TAPBPL: variants seen among roughly 807,000 people sequenced by gnomAD.
TAPBPL encodes TAP binding protein like, also known as tapasin-related protein.
A neutral mutation model predicts 44.8 loss-of-function variants in TAPBPL; 32 were observed. The observed-to-expected ratio is 0.71, with a 90% CI of 0.54 to 0.96. The LOEUF (loss-of-function observed/expected upper bound fraction) is 0.96. Ranked by LOEUF, TAPBPL falls within the 40% of genes least tolerant of loss-of-function variation. The pLI is 0.00. For synonymous variants in TAPBPL, 230 were observed against 240.7 expected, an observed-to-expected ratio of 0.96 and a Z score of 0.41; for missense variants, 520 against 586.6, an observed-to-expected ratio of 0.89 and a Z score of 1.17.
downstream of TAPBPL, chr12:6,463,964 A>AC: frequency 2.3e-6 from 3 of 1,290,164 alleles, no homozygotes; most frequent in Non-Finnish European, 3.0e-6. This position sits in a 1 kb window ranked among gnomAD's most constrained non-coding sequence, Gnocchi z 4.0. Flanking sequence ...ACTTTGGTCC[A>AC]CCCCCAGGAC....
intron 4 of TAPBPL, 50 bp from the exon 5 acceptor site, chr12:6,458,594 GC>G (rs1949762677): frequency 6.3e-7 from 1 of 1,587,254 alleles, no homozygotes; most frequent in African/African-American, 1.3e-5. Flanking sequence ...AGGCTCCTCC[GC>G]TGTCCCCAGT....
intron 6 of TAPBPL, among the ~76,000 whole-genome samples, chr12:6,461,800 A>G (rs1045548): frequency 0.67 from 101,329 of 152,050 alleles, 34,095 homozygotes; most frequent in South Asian, 0.78. Context: ...AAATGTGCCT[A>G]ATCAATACGG....
downstream of TAPBPL, among the ~76,000 whole-genome samples, chr12:6,471,350 A>G (rs538196211): frequency 6.6e-6 from 1 of 152,306 alleles, no homozygotes; most frequent in Admixed American, 6.5e-5. This position sits in a 1 kb window ranked among gnomAD's most constrained non-coding sequence, Gnocchi z 4.0. Context: ...TGCCCAGACC[A>G]GAAACGTGGA....
At chr12:6,455,700 CAGG>C (rs1286030467) in intron 3 of TAPBPL, among the ~76,000 whole-genome samples, 1 of 151,780 alleles carries the variant, frequency 6.6e-6, no homozygotes, top group Non-Finnish European at 1.5e-5. Context: ...GAGACTGAGG[CAGG>C]AGGATTGCTT....
chr12:6,470,390 C>A, downstream of TAPBPL: 1 of 1,308,196 alleles, frequency 7.6e-7, no homozygotes. Context: ...GGGGGTGGCC[C>A]GGTCCGGAAG....
chr12:6,469,336 G>T (rs1945710221), downstream of TAPBPL, among the ~76,000 whole-genome samples: 1 of 152,176 alleles, frequency 6.6e-6, no homozygotes, highest in Admixed American at 6.5e-5. Context: ...CAGAGACCTC[G>T]TGATGCCCCG....
At chr12:6,460,284 G>A (rs529709172) in intron 5 of TAPBPL, among the ~76,000 whole-genome samples, 114 of 151,890 alleles carry the variant, frequency 7.5e-4, no homozygotes, top group African/African-American at 2.6e-3. Flanking sequence ...GTTTTGTTTT[G>A]AGATAGGGTC....
Position 6,452,473 on chromosome 12 carries a change from C to G in TAPBPL, c.64+161C>G, listed in dbSNP as rs116160665. 2.2e-4 allele frequency: 305 copies of G among 1,416,578 alleles called. No individual in the cohort carries two copies. In the African/African-American group the frequency reaches 3.9e-3, roughly 18 times the overall value. The allele number at this position is 1,416,578 out of a possible 1,614,324, so 87.8% of individuals were successfully genotyped here. A position where few individuals can be genotyped will look rare whatever the true frequency, so the allele number is the denominator to read the frequency against. ...CTCAGCGGCTGGCAAAGGAAGGAAC[C>G]AATAGTGTGTGTGGAGGGAGGGTGG... is the stretch of plus-strand genomic sequence containing the variant. On this transcript the variant is annotated intron_variant, in intron 1 of 6. Transcript: ENST00000266556.
At chr12:6,462,885 A>G, downstream of TAPBPL, 4 of 1,593,862 alleles carry the variant, frequency 2.5e-6, no homozygotes, top group Non-Finnish European at 3.4e-6. Flanking sequence ...GGGCGAAAGG[A>G]AAGGAAGGAT....
intron 3 of TAPBPL, 127 bp from the exon 4 acceptor site, chr12:6,457,279 A>G (rs752237836): frequency 9.3e-6 from 8 of 858,320 alleles, no homozygotes; most frequent in Admixed American, 5.6e-5. Flanking sequence ...GTGATGGAAA[A>G]TAAGCTCAAC....
chr12:6,458,367 C>T (rs1378682313), intron 4 of TAPBPL, among the ~76,000 whole-genome samples: 1 of 148,448 alleles, frequency 6.7e-6, no homozygotes, highest in Non-Finnish European at 1.5e-5. Context: ...CAGAGCAAGA[C>T]ACCATCTTAA....
intron 1 of TAPBPL, 109 bp from the exon 2 acceptor site, chr12:6,452,958 A>C (rs1350685609): frequency 1.7e-6 from 2 of 1,161,528 alleles, no homozygotes; most frequent in Non-Finnish European, 2.4e-6. Context: ...AGGATCTTGG[A>C]TGGCAACTTT....
chr12:6,452,634 T>C lies in TAPBPL; in HGVS notation c.64+322T>C, dbSNP rs538929806. 1.9e-5 allele frequency: 25 copies of C among 1,290,306 alleles called. No homozygotes were observed. The South Asian group carries it at 4.2e-4, about 22-fold the overall frequency. 79.9% of individuals were successfully genotyped at this position (1,290,306 alleles called of 1,614,324 possible). On this transcript the variant is annotated intron_variant, in intron 1 of 6. Transcript: ENST00000266556. ...GGACTCCCCAGGTGAGGAAATCACTTGGAAGGTGACCTTGAAGGCGGGGGA... is the reference window on the plus strand; with the variant it reads ...GGACTCCCCAGGTGAGGAAATCACTCGGAAGGTGACCTTGAAGGCGGGGGA...
In TAPBPL at chr12:6,461,147, C is replaced by G. The variant is rs952452852; in HGVS notation, c.1291+209C>G. The G allele has an allele frequency of 5.0e-6, 7 of 1,390,558 alleles. No homozygotes were observed. In the African/African-American group the frequency reaches 1.0e-4, roughly 20 times the overall value. The allele number at this position is 1,390,558 out of a possible 1,614,324, so 86.1% of individuals were successfully genotyped here. A position where few individuals can be genotyped will look rare whatever the true frequency, so the allele number is the denominator to read the frequency against. On this transcript the variant is annotated intron_variant, in intron 6 of 6. Transcript: ENST00000266556. ...AGCTACCTCACTAAAGTCTGTCACT[C>G]TCCTGCCTCAGAGTAGAAAGAAAGA...
At chr12:6,469,029 G>C (rs1001716393), downstream of TAPBPL, among the ~76,000 whole-genome samples, 2 of 152,168 alleles carry the variant, frequency 1.3e-5, no homozygotes, top group Admixed American at 6.5e-5. Flanking sequence ...CATTCTCCTT[G>C]ATTAAGTGAA....
At chr12:6,455,136 G>T (rs994847990) in intron 3 of TAPBPL, among the ~76,000 whole-genome samples, 1 of 152,024 alleles carries the variant, frequency 6.6e-6, no homozygotes, top group Non-Finnish European at 1.5e-5. Flanking sequence ...AGATCCACCA[G>T]TTGTTAACAA....
chr12:6,463,831 G>A (rs1949938769), downstream of TAPBPL: 1 of 1,229,044 alleles, frequency 8.1e-7, no homozygotes. The surrounding 1 kb of genome is among the most constrained non-coding windows in gnomAD (Gnocchi z 4.0). Context: ...CCAGGCCTCT[G>A]GAGAACAAAG....
At chr12:6,465,416 A>ATATATATATAAATGTATATATATATG (rs1565526280), downstream of TAPBPL, 1 of 93,504 alleles carries the variant, frequency 1.1e-5, no homozygotes, top group Non-Finnish European at 1.9e-5. Flanking sequence ...ATATATATGT[A>ATATATATATAAATGTATATATATATG]TATATATATA....
downstream of TAPBPL, chr12:6,470,803 C>G: frequency 1.8e-6 from 1 of 555,462 alleles, no homozygotes; most frequent in Non-Finnish European, 3.2e-6. Context: ...CCCGCCCCGC[C>G]CCTGCCAATT....
Sources: allele counts gnomAD v4.1 joint callset (sites outside exome capture counted in the v4.1 genomes callset), GRCh38; gene constraint gnomAD v4.1.1; non-coding constraint Gnocchi (gnomAD v3.1); transcripts MANE v1.5; gene names NCBI Gene and HGNC (gene_info 2026-07-23, HGNC 2026-07-21).